The following EIF2AK3 variants were observed in gnomAD, a reference collection of about 807,000 sequenced individuals.
EIF2AK3 encodes the protein eukaryotic translation initiation factor 2-alpha kinase 3.
Under a neutral mutation model 113.5 loss-of-function variants are expected in EIF2AK3, and 50 were observed. That is an observed-to-expected ratio of 0.44 (90% confidence interval 0.35 to 0.56). The LOEUF (loss-of-function observed/expected upper bound fraction) is 0.56. Among genes scored for constraint, EIF2AK3 ranks in the 20% least tolerant of loss-of-function variants. EIF2AK3 has a pLI of 0.00. For missense variants in EIF2AK3, 1,185 were observed against 1,378.0 expected (o/e 0.86, Z 2.22); for synonymous variants, 448 against 495.4 (o/e 0.90, Z 1.27).
intron 2 of EIF2AK3, among the ~76,000 whole-genome samples, chr2:88,600,891 A>G (rs1675132671): frequency 6.6e-6 from 1 of 152,124 alleles, no homozygotes; most frequent in Middle Eastern, 3.4e-3. Flanking sequence ...CCTCTCCCCA[A>G]CTGACTCACA....
intron 4 of EIF2AK3, among the ~76,000 whole-genome samples, chr2:88,591,833 A>G (rs1480677896): frequency 6.6e-6 from 1 of 152,140 alleles, no homozygotes; most frequent in Non-Finnish European, 1.5e-5. Flanking sequence ...TAACTCAAAA[A>G]TCTGTTAAGT....
intron 4 of EIF2AK3, 82 bp downstream of exon 4, chr2:88,593,190 C>A: frequency 6.4e-7 from 1 of 1,554,176 alleles, no homozygotes; most frequent in Admixed American, 1.7e-5. Context: ...TAGTCAAAAT[C>A]TCCACAAACA....
chr2:88,570,890 TAC>T lies in EIF2AK3; in HGVS notation c.2967_2968del (p.Met991GlufsTer13). 4 of 1,614,190 alleles carry T rather than the reference TAC, an allele frequency of 2.5e-6. No individual in the cohort carries two copies. The highest frequency in any genetic ancestry group is 3.4e-6 in the Non-Finnish European group (4 of 1,180,028). ...AAAACTCACCTGCTCTGGGCTCATATACAGTTTGGTCCCTACTTGTCCTGTGT... is the reference window on the plus strand; with the variant it reads ...AAAACTCACCTGCTCTGGGCTCATATAGTTTGGTCCCTACTTGTCCTGTGT... On this transcript the variant is annotated frameshift_variant, in exon 14 of 17. Coordinates refer to ENST00000303236, the MANE Select transcript of EIF2AK3 (RefSeq NM_004836.7). LOFTEE classifies it high-confidence loss of function.
intron 1 of EIF2AK3, among the ~76,000 whole-genome samples, chr2:88,626,256 C>T (rs528087292): frequency 1.3e-5 from 2 of 152,316 alleles, no homozygotes; most frequent in South Asian, 2.1e-4. Flanking sequence ...CAGTAAACCC[C>T]TTATTCAAGA....
rs1675893901 is a variant in EIF2AK3 at position 88,627,244 on chromosome 2, C to T, written c.31G>A (p.Val11Ile). The T allele has an allele frequency of 6.7e-7, 1 of 1,482,664 alleles. No homozygotes were observed. Among genetic ancestry groups the T allele is most frequent in the Non-Finnish European group, 8.9e-7 (1 of 1,123,054 alleles). 91.8% of individuals were successfully genotyped at this position (1,482,664 alleles called of 1,614,324 possible). The change falls in exon 1 of 17, where the codon GTA becomes ATA. Residue 11 changes from valine to isoleucine, a missense_variant. Around this residue, in one of 3 missense-constraint regions of EIF2AK3, gnomAD observed 189 missense variants for 175.2 expected, o/e 1.08. Transcript: ENST00000303236. ...AGCAGCAGCAGCAGCAGCGCCCGTA[C>T]CAGCAGCCCCGGGCTGATGGCGCGC... is the stretch of plus-strand genomic sequence containing the variant. MERAISPGLLVRALLLLLLLL... is the reference protein window; with the variant it reads MERAISPGLLIRALLLLLLLL...
intron 3 of EIF2AK3, chr2:88,593,995 G>C: frequency 1.4e-5 from 14 of 968,384 alleles, no homozygotes; most frequent in Non-Finnish European, 1.7e-5. Flanking sequence ...TTACAGATGA[G>C]ACTACCGAAG....
intron 1 of EIF2AK3, among the ~76,000 whole-genome samples, chr2:88,617,598 T>TA (rs951765966): frequency 3.3e-5 from 5 of 149,980 alleles, no homozygotes; most frequent in African/African-American, 9.8e-5. Flanking sequence ...TACTAAAATA[T>TA]AAAAAAAAAT....
Position 88,593,298 on chromosome 2 carries a change from A to G in EIF2AK3, c.741T>C (p.Ala247=). The G allele has an allele frequency of 6.2e-7, 1 of 1,614,134 alleles. No homozygotes were observed. Among genetic ancestry groups the G allele is most frequent in the African/African-American group, 1.3e-5 (1 of 75,054 alleles). ...TCTCATTGCCACTGCGAGGTCCGAC[A>G]GCTCTAACAGTTTTTTGGGTACGCT... ...LLQRTQKTVR[A]VGPRSGNEKW... Residue 247 remains alanine, a synonymous_variant, in exon 4 of 17, where the codon GCT becomes GCC. Coordinates refer to ENST00000303236, the MANE Select transcript of EIF2AK3 (RefSeq NM_004836.7).
intron 1 of EIF2AK3, among the ~76,000 whole-genome samples, chr2:88,614,172 A>G (rs1477351625): frequency 6.6e-6 from 1 of 152,160 alleles, no homozygotes; most frequent in African/African-American, 2.4e-5. Context: ...CCCCTGAAAC[A>G]CTGTCTTCCC....
chr2:88,613,888 A>T (rs748166845), intron 1 of EIF2AK3, 35 bp from the exon 2 acceptor site: 1 of 1,562,788 alleles, frequency 6.4e-7, no homozygotes, highest in East Asian at 2.4e-5. Flanking sequence ...AAATTAACAG[A>T]TATCTAAGAT....
chr2:88,594,431 A>G (rs188781812), intron 3 of EIF2AK3, among the ~76,000 whole-genome samples: 2 of 152,278 alleles, frequency 1.3e-5, no homozygotes, highest in Admixed American at 1.3e-4. Flanking sequence ...TCCTGGCCTC[A>G]AGTGATCCAC....
chr2:88,608,584 A>C (rs1558661637), intron 2 of EIF2AK3, among the ~76,000 whole-genome samples: 1 of 152,154 alleles, frequency 6.6e-6, no homozygotes, highest in Non-Finnish European at 1.5e-5. Context: ...ACTTTTAAAA[A>C]AGTTAACTAT....
chr2:88,579,478 C>A lies in EIF2AK3; in HGVS notation c.1886+40G>T, dbSNP rs1558650197. ...ATTTTACCCATGAGATTAGATCACA[C>A]TGTGCTGATTTCAAGTTTACTGAAG... is the stretch of plus-strand genomic sequence containing the variant. On this transcript the variant is annotated intron_variant, in intron 11 of 16. Transcript: ENST00000303236. 3 of 1,611,448 alleles carry A rather than the reference C, an allele frequency of 1.9e-6. No individual in the cohort carries two copies. The South Asian group carries it at 3.3e-5, about 18-fold the overall frequency.
chr2:88,627,139 C>T lies in EIF2AK3; in HGVS notation c.136G>A (p.Gly46Ser). ...LPAPTAEAAFGLGAAAAPTSA... is the reference protein window; with the variant it reads ...LPAPTAEAAFSLGAAAAPTSA... ...GTGGGAGCAGCGGCCGCCCCGAGGC[C>T]GAACGCCGCCTCCGCCGTCGGCGCT... The change falls in exon 1 of 17, where the codon GGC becomes AGC. Residue 46 changes from glycine (G) to serine (S), a missense_variant. Around this residue, in one of 3 missense-constraint regions of EIF2AK3, gnomAD observed 189 missense variants for 175.2 expected, o/e 1.08. Transcript: ENST00000303236. The T allele has an allele frequency of 6.9e-7, 1 of 1,449,514 alleles. No homozygotes were observed. Among genetic ancestry groups the T allele is most frequent in the East Asian group, 3.0e-5 (1 of 33,470 alleles). 89.8% of individuals were successfully genotyped at this position (1,449,514 alleles called of 1,614,324 possible).
intron 14 of EIF2AK3, among the ~76,000 whole-genome samples, chr2:88,569,481 C>T (rs1674233202): frequency 6.6e-6 from 1 of 152,122 alleles, no homozygotes; most frequent in Admixed American, 6.5e-5. Context: ...TGGAAGATTT[C>T]AGTCTACCAG....
At chr2:88,579,386 TAGAACCTA>T in intron 11 of EIF2AK3, 124 bp downstream of exon 11, 1 of 1,257,254 alleles carries the variant, frequency 8.0e-7, no homozygotes, top group Non-Finnish European at 1.1e-6. Flanking sequence ...TGGCAGCACT[TAGAACCTA>T]AGATTTGAAA....
chr2:88,558,719 G>C (rs139853002), intron 16 of EIF2AK3, among the ~76,000 whole-genome samples, 198 bp downstream of exon 16: 1 of 152,280 alleles, frequency 6.6e-6, no homozygotes, highest in African/African-American at 2.4e-5. Flanking sequence ...TGGAACACTG[G>C]ACATTAGGCT....
chr2:88,627,249 A>C lies in EIF2AK3; in HGVS notation c.26T>G (p.Leu9Arg), dbSNP rs1247889487. 6 of 1,482,216 alleles carry C rather than the reference A, an allele frequency of 4.0e-6. No individual in the cohort carries two copies. In the East Asian group the frequency reaches 1.7e-4, roughly 43 times the overall value. 91.8% of individuals were successfully genotyped at this position (1,482,216 alleles called of 1,614,324 possible). Residue 9 changes from leucine to arginine, a missense_variant, in exon 1 of 17, where the codon CTG (leucine) becomes CGG (arginine). Leu to Arg is a moderately radical substitution (Grantham distance 102). Around this residue, in one of 3 missense-constraint regions of EIF2AK3, gnomAD observed 189 missense variants for 175.2 expected, o/e 1.08. Coordinates refer to ENST00000303236, the MANE Select transcript of EIF2AK3 (RefSeq NM_004836.7). MERAISPG[L>R]LVRALLLLLL... The stretch of plus-strand genomic sequence containing the variant: ...CAGCAGCAGCAGCGCCCGTACCAGC[A>C]GCCCCGGGCTGATGGCGCGCTCCAT...
chr2:88,626,980 G>A lies in EIF2AK3; in HGVS notation c.295C>T (p.Arg99Ter). ...GPEPDDETEL[R>*]PRGRSLVIIS... is the part of the protein sequence containing the mutation. Reference sequence around the variant, plus strand: ...GCAGCCCCTCACCTGCCGCGCGGTCGCAACTCTGTCTCATCGTCTGGTTCC... The same window carrying A: ...GCAGCCCCTCACCTGCCGCGCGGTCACAACTCTGTCTCATCGTCTGGTTCC... The change falls in exon 1 of 17, where the codon CGA (arginine) becomes TGA (stop). Residue 99 changes from arginine to a stop codon, truncating the protein, a stop_gained. Coordinates refer to ENST00000303236, the MANE Select transcript of EIF2AK3 (RefSeq NM_004836.7). LOFTEE classifies it high-confidence loss of function. 1.2e-6 allele frequency: 2 copies of A among 1,609,062 alleles called. No individual in the cohort carries two copies. Among genetic ancestry groups the A allele is most frequent in the Non-Finnish European group, 1.7e-6 (2 of 1,178,796 alleles).
Sources: allele counts gnomAD v4.1 joint callset (sites outside exome capture counted in the v4.1 genomes callset), GRCh38; gene constraint gnomAD v4.1.1; regional missense constraint gnomAD v4.1.1; transcripts MANE v1.5; gene names NCBI Gene and HGNC (gene_info 2026-07-23, HGNC 2026-07-21).